MAD1L1: variants seen among roughly 807,000 people sequenced by gnomAD.
MAD1L1 encodes the protein mitotic arrest deficient 1 like 1.
A neutral mutation model predicts 96.9 loss-of-function variants in MAD1L1; 95 were observed. The observed-to-expected ratio is 0.98, with a 90% confidence interval of 0.83 to 1.16. The LOEUF (loss-of-function observed/expected upper bound fraction) is 1.16, where lower values mean the gene tolerates loss of function less well. MAD1L1 is among the 50% of genes most tolerant of loss of function. MAD1L1 has a pLI of 0.00. For synonymous variants in MAD1L1, 473 were observed against 396.6 expected, an observed-to-expected ratio of 1.19 and a Z score of -2.29; for missense variants, 1,007 against 954.4, an observed-to-expected ratio of 1.06 and a Z score of -0.73.
chr7:1,923,151 T>C (rs1233593392), intron 17 of MAD1L1, among the ~76,000 whole-genome samples: 2 of 152,170 alleles, frequency 1.3e-5, no homozygotes, highest in African/African-American at 4.8e-5. Flanking sequence ...GAGATATCCT[T>C]TTTTGGAAGC....
chr7:1,891,639 G>A (rs556204381), intron 18 of MAD1L1, among the ~76,000 whole-genome samples: 37 of 152,202 alleles, frequency 2.4e-4, no homozygotes, highest in Non-Finnish European at 3.2e-4. Flanking sequence ...GTGCGGTGGC[G>A]CGATCATAGT....
At chr7:1,819,590 C>T (rs1232469860) in intron 18 of MAD1L1, among the ~76,000 whole-genome samples, 2 of 152,178 alleles carry the variant, frequency 1.3e-5, no homozygotes, top group African/African-American at 2.4e-5. Flanking sequence ...AGCTCTGCCA[C>T]GTGAGCAGTG....
intron 14 of MAD1L1, among the ~76,000 whole-genome samples, chr7:1,984,581 A>C (rs1261726050): frequency 6.6e-6 from 1 of 152,178 alleles, no homozygotes; most frequent in African/African-American, 2.4e-5. Flanking sequence ...TGGCTAACCC[A>C]TCTGAACCTC....
intron 18 of MAD1L1, among the ~76,000 whole-genome samples, chr7:1,867,104 G>A (rs1583597311): frequency 6.6e-6 from 1 of 152,206 alleles, no homozygotes; most frequent in East Asian, 1.9e-4. Context: ...GGAGATCTAG[G>A]GCCAAGCTGG....
intron 12 of MAD1L1, among the ~76,000 whole-genome samples, chr7:2,065,138 T>C (rs2128526342): frequency 6.6e-6 from 1 of 152,362 alleles, no homozygotes; most frequent in South Asian, 2.1e-4. Context: ...ATGGAACTCT[T>C]CTGAGGGGTC....
intron 16 of MAD1L1, among the ~76,000 whole-genome samples, chr7:1,947,275 G>A (rs1242701881): frequency 1.3e-5 from 2 of 152,230 alleles, no homozygotes; most frequent in Non-Finnish European, 2.9e-5. Flanking sequence ...CTCCAGCAAG[G>A]CCCAGGCAAT....
chr7:2,185,089 CA>C (rs1321056409), intron 10 of MAD1L1, among the ~76,000 whole-genome samples: 4 of 152,146 alleles, frequency 2.6e-5, no homozygotes, highest in Non-Finnish European at 5.9e-5. Flanking sequence ...CTCTGTTGTC[CA>C]AAAGCAGGGC....
chr7:1,959,663 A>T (rs1008451673), intron 15 of MAD1L1, among the ~76,000 whole-genome samples: 1 of 152,226 alleles, frequency 6.6e-6, no homozygotes, highest in Non-Finnish European at 1.5e-5. Flanking sequence ...TGAAATAACG[A>T]AAGAAATAAA....
At chr7:2,228,532 C>T (rs1584606836) in intron 3 of MAD1L1, among the ~76,000 whole-genome samples, 1 of 152,104 alleles carries the variant, frequency 6.6e-6, no homozygotes, top group East Asian at 1.9e-4. Flanking sequence ...GGGTTATAGG[C>T]ATGAGCCACT....
intron 18 of MAD1L1, 74 bp downstream of exon 18, chr7:1,898,126 G>A (rs750068986): frequency 6.8e-7 from 1 of 1,468,666 alleles, no homozygotes; most frequent in Admixed American, 2.0e-5. Context: ...CTTTGCTGAG[G>A]GCTACGGTCG....
chr7:2,202,070 T>C (rs1792337868), intron 10 of MAD1L1: 1 of 152,564 alleles, frequency 6.6e-6, no homozygotes, highest in Non-Finnish European at 1.5e-5. Context: ...CCAAGAGCAC[T>C]GGAGGCTCCG....
At chr7:2,210,422 G>A (rs149401019) in intron 10 of MAD1L1, among the ~76,000 whole-genome samples, 5,995 of 137,026 alleles carry the variant, frequency 0.044, 163 homozygotes, top group East Asian at 0.088. Flanking sequence ...AGCCGTATTC[G>A]GGACCGCCAG....
chr7:1,818,639 G>A (rs991208561), intron 18 of MAD1L1, among the ~76,000 whole-genome samples: 1 of 151,880 alleles, frequency 6.6e-6, no homozygotes, highest in African/African-American at 2.4e-5. Context: ...CTCCTGGCCT[G>A]ACGTGATCCT....
intron 18 of MAD1L1, among the ~76,000 whole-genome samples, chr7:1,876,817 C>A (rs564817594): frequency 6.7e-6 from 1 of 149,256 alleles, no homozygotes; most frequent in African/African-American, 2.5e-5. Context: ...CAGGGCTGCC[C>A]GGTCTTTACC....
At chr7:2,049,060 T>C (rs892273378) in intron 12 of MAD1L1, among the ~76,000 whole-genome samples, 6 of 152,272 alleles carry the variant, frequency 3.9e-5, no homozygotes, top group Non-Finnish European at 8.8e-5. Flanking sequence ...ACCTCACACA[T>C]ATATTTGAAC....
chr7:2,078,943 C>T (rs1785504551), intron 11 of MAD1L1, among the ~76,000 whole-genome samples: 1 of 152,238 alleles, frequency 6.6e-6, no homozygotes, highest in South Asian at 2.1e-4. Flanking sequence ...TGGGCACCCC[C>T]ATAGGGCTGG....
chr7:1,909,818 G>A (rs933244825), intron 17 of MAD1L1, among the ~76,000 whole-genome samples: 64 of 152,168 alleles, frequency 4.2e-4, no homozygotes, highest in African/African-American at 1.5e-3. Flanking sequence ...TTGAGACACG[G>A]CCTCCATGAT....
intron 15 of MAD1L1, among the ~76,000 whole-genome samples, chr7:1,970,331 CTT>C (rs34240381): frequency 0.038 from 4,377 of 116,182 alleles, 65 homozygotes; most frequent in African/African-American, 0.11. Flanking sequence ...TTAATTTTTA[CTT>C]TTTTTTTTTT....
At chr7:1,970,295 A>C (rs953737726) in intron 15 of MAD1L1, among the ~76,000 whole-genome samples, 7 of 151,922 alleles carry the variant, frequency 4.6e-5, no homozygotes, top group African/African-American at 1.7e-4. Context: ...ATCCTATAAG[A>C]AAAAAGTTAA....
Sources: gnomAD v4.1 joint callset for allele counts (sites outside exome capture counted in the v4.1 genomes callset) on GRCh38, gnomAD v4.1.1 for gene constraint, MANE v1.5 for transcripts, NCBI Gene and HGNC (gene_info 2026-07-23, HGNC 2026-07-21) for gene names.